The following CRTAM variants were observed in gnomAD, a reference collection of about 807,000 sequenced individuals.
The protein encoded by CRTAM is cytotoxic and regulatory T-cell molecule.
CRTAM carries 44 observed loss-of-function variants against 50.0 expected under a neutral mutation model. The observed-to-expected ratio is 0.88, with a 90% CI of 0.69 to 1.13. The LOEUF is 1.13. Among genes scored for constraint, CRTAM ranks in the 50% most tolerant of loss-of-function variants. CRTAM has a pLI of 0.00. For synonymous variants in CRTAM, 159 were observed against 169.3 expected (o/e 0.94, Z 0.47); for missense variants, 448 against 457.5 (o/e 0.98, Z 0.19).
chr11:122,858,468 C>T (rs1862032711), intron 5 of CRTAM, among the ~76,000 whole-genome samples: 1 of 152,016 alleles, frequency 6.6e-6, no homozygotes, highest in African/African-American at 2.4e-5. Context: ...TCAAGCGATC[C>T]CTCAACCTCT....
intron 1 of CRTAM, among the ~76,000 whole-genome samples, chr11:122,841,622 G>A (rs754758826): frequency 3.6e-4 from 55 of 151,962 alleles, no homozygotes; most frequent in Non-Finnish European, 5.4e-4. Context: ...GGATAGTCTC[G>A]ATCTCCTGAT....
intron 5 of CRTAM, among the ~76,000 whole-genome samples, chr11:122,862,038 G>A (rs1220937311): frequency 3.9e-5 from 6 of 152,130 alleles, no homozygotes; most frequent in East Asian, 1.9e-4. Flanking sequence ...GTGCTAGGTC[G>A]GGTATCTTGT....
intron 7 of CRTAM, 111 bp downstream of exon 7, chr11:122,864,830 G>C (rs981011696): frequency 5.4e-6 from 4 of 738,334 alleles, no homozygotes; most frequent in South Asian, 1.7e-5. Context: ...CTGCCCTTTA[G>C]GACATGATTG....
chr11:122,868,574 C>G (rs1935655544), intron 9 of CRTAM, among the ~76,000 whole-genome samples: 1 of 152,162 alleles, frequency 6.6e-6, no homozygotes, highest in Admixed American at 6.5e-5. Flanking sequence ...CCCACCTACT[C>G]CACTCAGACT....
chr11:122,858,615 T>C (rs1261867527), intron 5 of CRTAM, among the ~76,000 whole-genome samples: 1 of 152,116 alleles, frequency 6.6e-6, no homozygotes, highest in Non-Finnish European at 1.5e-5. Context: ...CTGCAGCCTC[T>C]ACCTCCCAGA....
At chr11:122,841,901 CATT>C (rs1269139825) in intron 1 of CRTAM, among the ~76,000 whole-genome samples, 3 of 152,052 alleles carry the variant, frequency 2.0e-5, no homozygotes, top group African/African-American at 7.2e-5. Context: ...AGGGGAAAGA[CATT>C]ATGGGGAAAA....
intron 7 of CRTAM, among the ~76,000 whole-genome samples, chr11:122,866,699 G>A (rs982473331): frequency 6.6e-6 from 1 of 151,716 alleles, no homozygotes; most frequent in Non-Finnish European, 1.5e-5. Context: ...TAAACTCCTG[G>A]ACTCAAGTGA....
At chr11:122,838,837 A>G (rs1243516924) in intron 1 of CRTAM, among the ~76,000 whole-genome samples, 2 of 152,292 alleles carry the variant, frequency 1.3e-5, no homozygotes, top group Admixed American at 6.5e-5. Context: ...TGTGGGTCCT[A>G]TGTTACGGCA....
Position 122,851,732 on chromosome 11 carries a change from C to A in CRTAM, c.233C>A (p.Ala78Asp), listed in dbSNP as rs34397316. The A allele has an allele frequency of 5.9e-3, 9,592 of 1,614,088 alleles. 442 individuals carry two copies. In the African/African-American group the frequency reaches 0.11, roughly 19 times the overall value. Residue 78 changes from alanine (A) to aspartate (D), a missense_variant, in exon 3 of 10, where the codon GCC becomes GAC. By Grantham distance (126) the Ala-to-Asp change is moderately radical. Transcript: ENST00000227348. ...NSKYQLLHHS[A>D]NQLSITVPNV... ...AAATACCAGCTTCTTCATCACTCGG[C>A]CAATCAGCTCTCCATCACTGTGCCT...
rs938804185 is a variant in CRTAM, at chr11:122,843,296, A to G, written c.46+4704A>G. On this transcript the variant is annotated intron_variant, in intron 1 of 9. Transcript: ENST00000227348. Reference sequence around the variant, plus strand: ...TTCCATTTCCATATATAAAGCAGTCACAATCTATAGCCCCAGGATCAGCTA... The same window carrying G: ...TTCCATTTCCATATATAAAGCAGTCGCAATCTATAGCCCCAGGATCAGCTA... 1.1e-4 allele frequency among the ~76,000 whole-genome samples: 16 copies of G among 152,334 alleles called. 1 individual carries two copies. Among genetic ancestry groups the G allele is most frequent in the African/African-American group, 3.8e-4 (16 of 41,570 alleles).
At chr11:122,863,290 G>A (rs12796144) in intron 6 of CRTAM, among the ~76,000 whole-genome samples, 38 of 59,022 alleles carry the variant, frequency 6.4e-4, no homozygotes, top group Admixed American at 8.7e-4. Flanking sequence ...GAAAGAAAAA[G>A]AAAGAAAGAG....
intron 3 of CRTAM, among the ~76,000 whole-genome samples, chr11:122,853,149 C>T (rs1227111543): frequency 6.6e-6 from 1 of 151,672 alleles, no homozygotes; most frequent in African/African-American, 2.4e-5. Flanking sequence ...CTGCACACAA[C>T]CTCCCCATCC....
rs564712599 is a variant in CRTAM at position 122,868,151 on chromosome 11, T to C, written c.1051+52T>C. On this transcript the variant is annotated intron_variant, in intron 9 of 9. Transcript: ENST00000227348. The stretch of plus-strand genomic sequence containing the variant: ...TGAACAATGAGGTTCATTAATGTAT[T>C]AGTCAGATTTCTCCAGAGAGACAGA... 7.1e-6 allele frequency: 8 copies of C among 1,130,138 alleles called. No homozygotes were observed. The East Asian group carries it at 1.9e-4, about 27-fold the overall frequency. The allele number at this position is 1,130,138 out of a possible 1,614,324, so 70.0% of individuals were successfully genotyped here. A position where few individuals can be genotyped will look rare whatever the true frequency, so the allele number is the denominator to read the frequency against.
chr11:122,866,174 T>C (rs1355584669), intron 7 of CRTAM, among the ~76,000 whole-genome samples: 2 of 152,184 alleles, frequency 1.3e-5, no homozygotes, highest in Non-Finnish European at 2.9e-5. Context: ...CCTTATGAGA[T>C]ACATATTTTT....
In CRTAM at chr11:122,851,688, T is replaced by C. The variant is rs746993014; in HGVS notation, c.194-5T>C. The C allele has an allele frequency of 2.3e-5, 37 of 1,613,868 alleles. No homozygotes were observed. Among genetic ancestry groups the C allele is most frequent in the Middle Eastern group, 1.6e-4 (1 of 6,084 alleles). ...TCATAACAGCTCTATTTCCCTCTTG[T>C]ACAGCTTTAAAAAATTCCAAATACC... On this transcript the variant is annotated splice_polypyrimidine_tract_variant and splice_region_variant and intron_variant, in intron 2 of 9. Coordinates refer to ENST00000227348, the MANE Select transcript of CRTAM (RefSeq NM_019604.4).
chr11:122,861,175 C>G (rs909767084), intron 5 of CRTAM, among the ~76,000 whole-genome samples: 2 of 151,598 alleles, frequency 1.3e-5, no homozygotes, highest in African/African-American at 4.8e-5. Flanking sequence ...CTTAGTAATT[C>G]TTTCTTTCCT....
At chr11:122,840,448 G>A (rs747816835) in intron 1 of CRTAM, among the ~76,000 whole-genome samples, 9 of 152,028 alleles carry the variant, frequency 5.9e-5, no homozygotes, top group Non-Finnish European at 1.2e-4. Flanking sequence ...TGTACTAGTT[G>A]TGACAGAAAA....
chr11:122,865,070 C>T (rs1331062182), intron 7 of CRTAM, among the ~76,000 whole-genome samples: 3 of 151,252 alleles, frequency 2.0e-5, no homozygotes, highest in African/African-American at 7.3e-5. Context: ...GAGTTTCTTT[C>T]TTGTTGCCCA....
chr11:122,844,861 C>A (rs1861842852), intron 1 of CRTAM, among the ~76,000 whole-genome samples: 1 of 152,224 alleles, frequency 6.6e-6, no homozygotes, highest in African/African-American at 2.4e-5. Context: ...ATGGGAATAA[C>A]AACACCTTCT....
Sources: allele counts gnomAD v4.1 joint callset (sites outside exome capture counted in the v4.1 genomes callset), GRCh38; gene constraint gnomAD v4.1.1; transcripts MANE v1.5; gene names NCBI Gene and HGNC (gene_info 2026-07-23, HGNC 2026-07-21).